The following RHD variants were observed in gnomAD, a reference collection of about 807,000 sequenced individuals.
RHD encodes the protein Rh blood group D antigen.
Under a neutral mutation model 45.5 loss-of-function variants are expected in RHD, and 16 were observed. That is an observed-to-expected ratio of 0.35 (90% confidence interval 0.24 to 0.53). RHD has a LOEUF of 0.53. Ranked by LOEUF, RHD falls within the 20% of genes least tolerant of loss-of-function variation. RHD has a pLI of 0.92. For missense variants in RHD, 306 were observed against 532.0 expected (o/e 0.58, Z 4.18); for synonymous variants, 131 against 217.5 (o/e 0.60, Z 3.50).
intron 1 of RHD, among the ~76,000 whole-genome samples, chr1:25,276,520 C>A (rs571151089): frequency 1.6e-5 from 1 of 63,254 alleles, no homozygotes; most frequent in African/African-American, 6.6e-5. Flanking sequence ...TAGGGAGACC[C>A]CCCCCCATCT....
chr1:25,299,460 C>A (rs1643212892), intron 3 of RHD, among the ~76,000 whole-genome samples: 1 of 131,366 alleles, frequency 7.6e-6, no homozygotes. Context: ...ACACCCTCTA[C>A]AGACAAGGCA....
At chr1:25,322,527 G>T (rs1327442804) in intron 9 of RHD, among the ~76,000 whole-genome samples, 1 of 132,424 alleles carries the variant, frequency 7.6e-6, no homozygotes, top group East Asian at 1.9e-4. Context: ...ACAAAAGTTA[G>T]CTGGGTGTGG....
At chr1:25,283,692 C>T (rs1641699825) in intron 1 of RHD, among the ~76,000 whole-genome samples, 1 of 133,740 alleles carries the variant, frequency 7.5e-6, no homozygotes. Flanking sequence ...ATTAAAACAG[C>T]GTAGGCACAT....
At chr1:25,309,788 C>G (rs1208458813) in intron 7 of RHD, among the ~76,000 whole-genome samples, 8 of 132,114 alleles carry the variant, frequency 6.1e-5, no homozygotes, top group East Asian at 2.0e-4. Flanking sequence ...ATAGCTCACT[C>G]ACAGGGCTGC....
At chr1:25,290,279 A>G (rs1642373980) in intron 2 of RHD, among the ~76,000 whole-genome samples, 1 of 125,324 alleles carries the variant, frequency 8.0e-6, no homozygotes, top group African/African-American at 2.8e-5. Context: ...AGCAGAAAAG[A>G]AGACTGGGCA....
chr1:25,301,582 G>A lies in RHD; in HGVS notation c.697G>A (p.Glu233Lys), dbSNP rs1053359. The change falls in exon 5 of 10, where the codon GAA becomes AAA. Residue 233 changes from glutamate to lysine, a missense_variant. Transcript: ENST00000328664. ...CTCTGCTCTGCTGAGAAGTCCAATCGAAAGGAAGAATGCCGTGTTCAACAC... is the reference window on the plus strand; with the variant it reads ...CTCTGCTCTGCTGAGAAGTCCAATCAAAAGGAAGAATGCCGTGTTCAACAC... ...FNSALLRSPI[E>K]RKNAVFNTYY... The A allele has an allele frequency of 5.7e-5, 78 of 1,379,404 alleles. 15 individuals are homozygous for A. In the African/African-American group the frequency reaches 9.4e-4, roughly 17 times the overall value. 85.4% of individuals were successfully genotyped at this position (1,379,404 alleles called of 1,614,324 possible). A position where few individuals can be genotyped will look rare whatever the true frequency, so the allele number is the denominator to read the frequency against.
rs535153489 is a variant in RHD, at chr1:25,322,116, T to A, written c.1227+154T>A. 3.8e-5 allele frequency among the ~76,000 whole-genome samples: 5 copies of A among 131,090 alleles called. 2 individuals carry two copies. The highest frequency in any genetic ancestry group is 1.5e-4 in the Admixed American group (2 of 13,400). The allele number at this position is 131,090 out of a possible 152,430, so 86.0% of individuals were successfully genotyped here. On this transcript the variant is annotated intron_variant, in intron 9 of 9. Coordinates refer to ENST00000328664, the MANE Select transcript of RHD (RefSeq NM_016124.6). ...AGGAACTAGAGGAGAAACAAATCCATGATATGCATGTGTGTGGGGGAGGGT... is the reference window on the plus strand; with the variant it reads ...AGGAACTAGAGGAGAAACAAATCCAAGATATGCATGTGTGTGGGGGAGGGT...
At chr1:25,286,295 CCTGA>C (rs1288291217) in intron 2 of RHD, among the ~76,000 whole-genome samples, 1 of 135,314 alleles carries the variant, frequency 7.4e-6, no homozygotes. Flanking sequence ...TTAAGACCAG[CCTGA>C]CTAACACAGT....
chr1:25,312,946 A>AAAAAAAAAAAAAAAAAAAAAAAT, intron 7 of RHD, among the ~76,000 whole-genome samples: 1 of 109,426 alleles, frequency 9.1e-6, no homozygotes, highest in Non-Finnish European at 2.2e-5. Context: ...AAAAAAAAAA[A>AAAAAAAAAAAAAAAAAAAAAAAT]AAAAAAAAAC....
At chr1:25,314,081 C>T (rs1358869378) in intron 7 of RHD, among the ~76,000 whole-genome samples, 1 of 132,774 alleles carries the variant, frequency 7.5e-6, no homozygotes, top group African/African-American at 2.6e-5. Flanking sequence ...CACACGAATG[C>T]ACTTCTGTTG....
At chr1:25,320,079 G>A (rs1644616584) in intron 8 of RHD, among the ~76,000 whole-genome samples, 1 of 130,796 alleles carries the variant, frequency 7.6e-6, no homozygotes, top group East Asian at 2.0e-4. Context: ...TGTATTTTTA[G>A]TAGAGACAGG....
rs567133660 is a variant in RHD, at chr1:25,284,966, G to A, written c.335+207G>A. ...GTATTTTACTGGACAGCCCTACTCC[G>A]TGTATCACAAGGAATCCAGGCCTAC... is the stretch of plus-strand genomic sequence containing the variant. On this transcript the variant is annotated intron_variant, in intron 2 of 9. Coordinates refer to ENST00000328664, the MANE Select transcript of RHD (RefSeq NM_016124.6). Among the ~76,000 whole-genome samples the A allele has an allele frequency of 2.2e-5, 3 of 134,970 alleles. 1 individual carries two copies. Among genetic ancestry groups the A allele is most frequent in the African/African-American group, 7.7e-5 (3 of 39,062 alleles). 88.5% of individuals were successfully genotyped at this position (134,970 alleles called of 152,430 possible).
Position 25,296,264 on chromosome 1 carries a change from A to T in RHD, c.487-4682A>T, listed in dbSNP as rs117391312. 6.5e-3 allele frequency among the ~76,000 whole-genome samples: 818 copies of T among 125,420 alleles called. 128 individuals are homozygous for T. The highest frequency in any genetic ancestry group is 0.053 in the East Asian group (262 of 4,972). 82.3% of individuals were successfully genotyped at this position (125,420 alleles called of 152,430 possible). A position where few individuals can be genotyped will look rare whatever the true frequency, so the allele number is the denominator to read the frequency against. On this transcript the variant is annotated intron_variant, in intron 3 of 9. Coordinates refer to ENST00000328664, the MANE Select transcript of RHD (RefSeq NM_016124.6). ...ATTTCTTTTTTTTTTTTTCTTTGAG[A>T]CAGAGTCTTGCTCCATCAATCACCC... is the stretch of plus-strand genomic sequence containing the variant.
intron 5 of RHD, 35 bp from the exon 6 acceptor site, chr1:25,303,287 C>T (rs1395927323): frequency 7.7e-7 from 1 of 1,290,432 alleles, no homozygotes; most frequent in African/African-American, 1.4e-5. Flanking sequence ...CTCTCTCTAC[C>T]TTGCTTCCTT....
chr1:25,279,046 G>A lies in RHD; in HGVS notation c.149-5527G>A, dbSNP rs114792840. Among the ~76,000 whole-genome samples, 566 of 130,016 alleles carry A rather than the reference G, an allele frequency of 4.4e-3. 97 individuals are homozygous for A. The highest frequency in any genetic ancestry group is 0.015 in the African/African-American group (547 of 37,588). 85.3% of individuals were successfully genotyped at this position (130,016 alleles called of 152,430 possible). A position where few individuals can be genotyped will look rare whatever the true frequency, so the allele number is the denominator to read the frequency against. The stretch of plus-strand genomic sequence containing the variant: ...GCAGGCCAGAAGGAGGGGCAAGAGT[G>A]GGAGGGGGCGCAGATCCAGAATCAC... On this transcript the variant is annotated intron_variant, in intron 1 of 9. Coordinates refer to ENST00000328664, the MANE Select transcript of RHD (RefSeq NM_016124.6).
chr1:25,310,162 G>C lies in RHD; in HGVS notation c.1073+3433G>C, dbSNP rs1198708657. On this transcript the variant is annotated intron_variant, in intron 7 of 9. Coordinates refer to ENST00000328664, the MANE Select transcript of RHD (RefSeq NM_016124.6). ...CTAACAGCATCAGTCAGTTTTGTCTGTTTTTGTACATTATATATGTGATGG... is the reference window on the plus strand; with the variant it reads ...CTAACAGCATCAGTCAGTTTTGTCTCTTTTTGTACATTATATATGTGATGG... 4.3e-4 allele frequency among the ~76,000 whole-genome samples: 57 copies of C among 132,720 alleles called. 7 individuals carry two copies. The highest frequency in any genetic ancestry group is 1.4e-3 in the African/African-American group (56 of 39,360). 87.1% of individuals were successfully genotyped at this position (132,720 alleles called of 152,430 possible). A position where few individuals can be genotyped will look rare whatever the true frequency, so the allele number is the denominator to read the frequency against.
At chr1:25,289,786 A>G (rs1461787607) in intron 2 of RHD, among the ~76,000 whole-genome samples, 1 of 127,660 alleles carries the variant, frequency 7.8e-6, no homozygotes, top group Non-Finnish European at 1.8e-5. Flanking sequence ...TTCTTAGTTG[A>G]CAGGCTCATG....
At chr1:25,290,347 T>C (rs1642381430) in intron 2 of RHD, among the ~76,000 whole-genome samples, 1 of 122,276 alleles carries the variant, frequency 8.2e-6, no homozygotes. Flanking sequence ...CTCAGTCAGA[T>C]GAGTGTGTGT....
At position 25,281,026 on chromosome 1, in the gene RHD, T is replaced by C. The variant is rs544102095; in HGVS notation, c.149-3547T>C. 3.0e-4 allele frequency among the ~76,000 whole-genome samples: 40 copies of C among 131,814 alleles called. 8 individuals are homozygous for C. Among genetic ancestry groups the C allele is most frequent in the Admixed American group, 5.9e-4 (8 of 13,620 alleles). The allele number at this position is 131,814 out of a possible 152,430, so 86.5% of individuals were successfully genotyped here. A position where few individuals can be genotyped will look rare whatever the true frequency, so the allele number is the denominator to read the frequency against. ...GAATATTCCAGAGCTGTAAAAGCCT[T>C]AGAGAGTATCAAGTCCAACTCCTAT... On this transcript the variant is annotated intron_variant, in intron 1 of 9. Transcript: ENST00000328664.
Sources: gnomAD v4.1 joint callset for allele counts (sites outside exome capture counted in the v4.1 genomes callset) on GRCh38, gnomAD v4.1.1 for gene constraint, MANE v1.5 for transcripts, NCBI Gene and HGNC (gene_info 2026-07-23, HGNC 2026-07-21) for gene names.